Variants in AGPAT3 observed in about 807,000 individuals in gnomAD.
AGPAT3 encodes 1-acyl-sn-glycerol-3-phosphate acyltransferase gamma.
AGPAT3 carries 5 observed loss-of-function variants against 47.3 expected under a neutral mutation model. The ratio of observed to expected loss-of-function variants is 0.11; its 90% CI spans 0.06 to 0.22. AGPAT3 has a LOEUF of 0.22. Ranked by LOEUF, AGPAT3 falls within the 10% of genes least tolerant of loss-of-function variation. The probability of loss-of-function intolerance (pLI) is 1.00; values close to 1 mark genes in which losing one functional copy is unlikely to be tolerated. For missense variants in AGPAT3, 315 were observed against 493.0 expected, an observed-to-expected ratio of 0.64 and a Z score of 3.42; for synonymous variants, 212 against 208.3, an observed-to-expected ratio of 1.02 and a Z score of -0.15.
intron 1 of AGPAT3, among the ~76,000 whole-genome samples, chr21:43,898,423 G>A (rs546948621): frequency 2.0e-5 from 3 of 152,212 alleles, no homozygotes; most frequent in East Asian, 3.9e-4. Flanking sequence ...CTTATTAAAC[G>A]AATCTACAAT....
At chr21:43,885,264 C>T (rs548149042) in intron 1 of AGPAT3, among the ~76,000 whole-genome samples, 4 of 152,356 alleles carry the variant, frequency 2.6e-5, no homozygotes, top group African/African-American at 7.2e-5. Flanking sequence ...GCTGCTTTTG[C>T]GTCATTGATG....
At chr21:43,927,529 C>T (rs1271221537) in intron 2 of AGPAT3, among the ~76,000 whole-genome samples, 8 of 152,214 alleles carry the variant, frequency 5.3e-5, no homozygotes, top group African/African-American at 1.9e-4. Context: ...AAGTGCTCGG[C>T]ACCTCTCTGC....
rs768508437 is a variant in AGPAT3 at position 43,959,814 on chromosome 21, C to G, written c.133C>G (p.Leu45Val). The G allele has an allele frequency of 4.0e-5, 64 of 1,612,202 alleles. No homozygotes were observed. Among genetic ancestry groups the G allele is most frequent in the Non-Finnish European group, 5.3e-5 (63 of 1,179,850 alleles). ...TLALWPVSKQ[L>V]YRRLNCRLAY... ...GGCGCTCTGGCCGGTCAGCAAGCAG[C>G]TCTACCGCCGCCTCAACTGCCGCCT... The change falls in exon 3 of 10, where the codon CTC becomes GTC. Residue 45 changes from leucine (L) to valine (V), a missense_variant. Leu to Val is a conservative substitution (Grantham distance 32). Coordinates refer to ENST00000291572, the MANE Select transcript of AGPAT3 (RefSeq NM_020132.5).
At chr21:43,866,114 T>A (rs1371472561) in intron 1 of AGPAT3, among the ~76,000 whole-genome samples, 1 of 139,230 alleles carries the variant, frequency 7.2e-6, no homozygotes, top group Non-Finnish European at 1.5e-5. Context: ...TTAAAAATGG[T>A]GCAGTGTTTT....
At chr21:43,918,128 G>C (rs994124114) in intron 2 of AGPAT3, among the ~76,000 whole-genome samples, 12 of 148,760 alleles carry the variant, frequency 8.1e-5, no homozygotes, top group Non-Finnish European at 1.2e-4. Context: ...GGTGTTGTGG[G>C]GGTTGTGGGT....
At position 43,970,852 on chromosome 21, in the gene AGPAT3, A is replaced by C; in HGVS notation, c.664+46A>C. ...GCCGGGGCCACCGCTATGCTCACGG[A>C]AAATAGTGATTTCTTTAAAAAAAAA... is the stretch of plus-strand genomic sequence containing the variant. On this transcript the variant is annotated intron_variant, in intron 6 of 9. Transcript: ENST00000291572. This position sits in a 1 kb window ranked among gnomAD's most constrained non-coding sequence, Gnocchi z 5.8. The C allele has an allele frequency of 3.4e-6, 5 of 1,450,800 alleles. No individual in the cohort carries two copies. Among genetic ancestry groups the C allele is most frequent in the Non-Finnish European group, 2.7e-6 (3 of 1,101,802 alleles). 89.9% of individuals were successfully genotyped at this position (1,450,800 alleles called of 1,614,324 possible).
chr21:43,917,434 C>T (rs919219395), intron 2 of AGPAT3, among the ~76,000 whole-genome samples: 3 of 152,186 alleles, frequency 2.0e-5, no homozygotes, highest in Admixed American at 6.5e-5. Flanking sequence ...CGTTGGTGTC[C>T]GTCTGTGTGT....
chr21:43,866,356 A>G (rs1340369689), intron 1 of AGPAT3, among the ~76,000 whole-genome samples: 1 of 150,254 alleles, frequency 6.7e-6, no homozygotes, highest in Non-Finnish European at 1.5e-5. Context: ...TAAAAATGAA[A>G]GCCAACGCCG....
chr21:43,970,873 A>G lies in AGPAT3; in HGVS notation c.664+67A>G. 1 of 1,420,442 alleles carries G rather than the reference A, an allele frequency of 7.0e-7. No individual in the cohort carries two copies. The allele number at this position is 1,420,442 out of a possible 1,614,324, so 88.0% of individuals were successfully genotyped here. A position where few individuals can be genotyped will look rare whatever the true frequency, so the allele number is the denominator to read the frequency against. On this transcript the variant is annotated intron_variant, in intron 6 of 9. Coordinates refer to ENST00000291572, the MANE Select transcript of AGPAT3 (RefSeq NM_020132.5). The surrounding 1 kb of genome is among the most constrained non-coding windows in gnomAD (Gnocchi z 5.8). ...ACGGAAAATAGTGATTTCTTTAAAA[A>G]AAAAAAAAATGAGTGCATTCCATGT... is the stretch of plus-strand genomic sequence containing the variant.
rs955621037 is a variant in AGPAT3, at chr21:43,909,308, T to G, written c.-49+5289T>G. Among the ~76,000 whole-genome samples, 167 of 150,930 alleles carry G rather than the reference T, an allele frequency of 1.1e-3. 1 individual carries two copies. The highest frequency in any genetic ancestry group is 3.9e-3 in the African/African-American group (161 of 41,216). ...TTCATACACATTTTTTTTTTTTTTT[T>G]TTTTTGAGACGGGGTCTCACTCTGT... is the stretch of plus-strand genomic sequence containing the variant. On this transcript the variant is annotated intron_variant, in intron 2 of 9. Transcript: ENST00000291572.
chr21:43,885,275 C>T (rs1359304434), intron 1 of AGPAT3, among the ~76,000 whole-genome samples: 3 of 152,274 alleles, frequency 2.0e-5, no homozygotes, highest in Non-Finnish European at 4.4e-5. Context: ...GTCATTGATG[C>T]AGACGCGGAG....
At position 43,981,220 on chromosome 21, in the gene AGPAT3, T is replaced by C; in HGVS notation, c.1042+33T>C. 6.2e-7 allele frequency: 1 copy of C among 1,608,488 alleles called. No individual in the cohort carries two copies. The highest frequency in any genetic ancestry group is 8.5e-7 in the Non-Finnish European group (1 of 1,175,066). On this transcript the variant is annotated intron_variant, in intron 9 of 9. Transcript: ENST00000291572. The surrounding 1 kb of genome is among the most constrained non-coding windows in gnomAD (Gnocchi z 5.3). Reference sequence around the variant, plus strand: ...ACACTGTCGCTAACAGCTCACACTCTGACGGGCCTCACAGTATCAGCCACA... The same window carrying C: ...ACACTGTCGCTAACAGCTCACACTCCGACGGGCCTCACAGTATCAGCCACA...
intron 2 of AGPAT3, among the ~76,000 whole-genome samples, chr21:43,938,136 A>ACACACACT (rs1321261738): frequency 6.6e-6 from 1 of 151,580 alleles, no homozygotes; most frequent in Non-Finnish European, 1.5e-5. Flanking sequence ...ACACACACAC[A>ACACACACT]CACACTCACA....
intron 2 of AGPAT3, among the ~76,000 whole-genome samples, chr21:43,946,461 G>A (rs756011405): frequency 6.6e-5 from 10 of 152,224 alleles, no homozygotes; most frequent in Admixed American, 1.3e-4. Context: ...TCAGCCAGGC[G>A]TGGTAGCCCG....
intron 2 of AGPAT3, among the ~76,000 whole-genome samples, chr21:43,910,952 C>T: frequency 6.6e-6 from 1 of 152,192 alleles, no homozygotes; most frequent in South Asian, 2.1e-4. Context: ...AAATTAAACA[C>T]AGAGCCAAAT....
chr21:43,962,412 A>G (rs1022079783), intron 3 of AGPAT3, among the ~76,000 whole-genome samples: 48 of 152,330 alleles, frequency 3.2e-4, no homozygotes, highest in African/African-American at 1.1e-3. Context: ...GTATAACTGG[A>G]TAAGATGAAT....
rs2089886053 is a variant in AGPAT3, at chr21:43,982,392, A to C, written c.1131A>C (p.Ter377TyrextTer11). ...ACCAAGAGTTTAAGAAAAAGGAATA[A>C]TTAATGGCTGTGACTGAACACACGC... ...YGNQEFKKKE[*>Y] The change falls in exon 10 of 10, where the codon TAA becomes TAC. Residue 377 changes from the stop codon to tyrosine, a stop_lost. Coordinates refer to ENST00000291572, the MANE Select transcript of AGPAT3 (RefSeq NM_020132.5). The surrounding 1 kb of genome is among the most constrained non-coding windows in gnomAD (Gnocchi z 6.2). The C allele has an allele frequency of 6.2e-7, 1 of 1,610,724 alleles. No individual in the cohort carries two copies. The highest frequency in any genetic ancestry group is 1.1e-5 in the South Asian group (1 of 91,006).
At chr21:43,907,156 C>T (rs1406205949) in intron 2 of AGPAT3, among the ~76,000 whole-genome samples, 1 of 151,726 alleles carries the variant, frequency 6.6e-6, no homozygotes, top group African/African-American at 2.4e-5. Flanking sequence ...GCCTCAGCCT[C>T]CCGGTAGCTG....
chr21:43,950,392 G>A (rs1233608369), intron 2 of AGPAT3, among the ~76,000 whole-genome samples: 2 of 152,148 alleles, frequency 1.3e-5, no homozygotes, highest in African/African-American at 4.8e-5. Context: ...TATTTTTCAG[G>A]CTTATGAAGA....
Sources: gnomAD v4.1 joint callset for allele counts (sites outside exome capture counted in the v4.1 genomes callset) on GRCh38, gnomAD v4.1.1 for gene constraint, Gnocchi (gnomAD v3.1) non-coding constraint, MANE v1.5 for transcripts, NCBI Gene and HGNC (gene_info 2026-07-23, HGNC 2026-07-21) for gene names.